EXOC2: variants seen among roughly 807,000 people sequenced by gnomAD.
The protein encoded by EXOC2 is exocyst complex component 2, also known as SEC5-like 1.
A neutral mutation model predicts 131.8 loss-of-function variants in EXOC2; 70 were observed. The observed-to-expected ratio is 0.53, with a 90% CI of 0.44 to 0.65. The LOEUF is 0.65. Ranked by LOEUF, EXOC2 falls within the 30% of genes least tolerant of loss-of-function variation. EXOC2 has a pLI of 0.00. For missense variants in EXOC2, 923 were observed against 1,108.6 expected (o/e 0.83, Z 2.38); for synonymous variants, 411 against 398.4 (o/e 1.03, Z -0.38).
At chr6:665,951 CA>C (rs1034899758) in intron 1 of EXOC2, among the ~76,000 whole-genome samples, 77 of 152,196 alleles carry the variant, frequency 5.1e-4, no homozygotes, top group African/African-American at 1.8e-3. Context: ...AAATAAGAGT[CA>C]AAAAATTATA....
intron 7 of EXOC2, among the ~76,000 whole-genome samples, chr6:603,167 C>T (rs552022367): frequency 3.3e-5 from 5 of 152,138 alleles, no homozygotes; most frequent in African/African-American, 9.7e-5. Context: ...ACAGAAGGAA[C>T]GCCCCCTCAC....
intron 2 of EXOC2, among the ~76,000 whole-genome samples, chr6:633,627 T>C (rs564654082): frequency 1.3e-5 from 2 of 152,350 alleles, no homozygotes; most frequent in African/African-American, 2.4e-5. Context: ...GTAGGTTTTT[T>C]ATTTAAGCAT....
Position 518,255 on chromosome 6 carries a change from G to A in EXOC2, c.2380+14214C>T, listed in dbSNP as rs546329198. Among the ~76,000 whole-genome samples, 11 of 149,722 alleles carry A rather than the reference G, an allele frequency of 7.3e-5. No homozygotes were observed. The East Asian group carries it at 2.1e-3, about 29-fold the overall frequency. ...TTACTTCAAAATAACAGATCTCAGA[G>A]GCAGTGGGGAGCCCAGGGGCACAGA... On this transcript the variant is annotated intron_variant, in intron 23 of 27. Coordinates refer to ENST00000230449, the MANE Select transcript of EXOC2 (RefSeq NM_018303.6).
Position 576,778 on chromosome 6 carries a change from A to AGCT in EXOC2, c.1294_1296dup (p.Ser432dup). On this transcript the variant is annotated inframe_insertion, in exon 12 of 28. Transcript: ENST00000230449. Reference sequence around the variant, plus strand: ...TTACTGTCGTCTCGACCAGACTGAAAGCTGCTGCCCCTCTTCAGGGACGCT... The same window carrying AGCT: ...TTACTGTCGTCTCGACCAGACTGAAAGCTGCTGCTGCCCCTCTTCAGGGACGCT... The AGCT allele has an allele frequency of 6.2e-7, 1 of 1,614,124 alleles. No individual in the cohort carries two copies. Among genetic ancestry groups the AGCT allele is most frequent in the South Asian group, 1.1e-5 (1 of 91,058 alleles).
At chr6:630,056 C>T (rs967519122) in intron 3 of EXOC2, 95 bp from the exon 4 acceptor site, 67 of 1,393,946 alleles carry the variant, frequency 4.8e-5, no homozygotes, top group Non-Finnish European at 4.2e-5. Context: ...AGACCTAATA[C>T]AAAATGCCTG....
At chr6:631,607 AG>A (rs1224308091) in intron 3 of EXOC2, among the ~76,000 whole-genome samples, 1 of 152,068 alleles carries the variant, frequency 6.6e-6, no homozygotes, top group Non-Finnish European at 1.5e-5. Context: ...TCCTGGAATG[AG>A]TATTCCAGAA....
At chr6:549,380 T>G in intron 21 of EXOC2, 89 bp from the exon 22 acceptor site, 1 of 933,100 alleles carries the variant, frequency 1.1e-6, no homozygotes, top group Non-Finnish European at 1.7e-6. Flanking sequence ...TTATAATCTC[T>G]GCTCTTTAAC....
rs376487971 is a variant in EXOC2, at chr6:543,504, C to T, written c.2238+5671G>A. 8.5e-5 allele frequency among the ~76,000 whole-genome samples: 13 copies of T among 152,232 alleles called. No homozygotes were observed. In the East Asian group the frequency reaches 2.5e-3, roughly 29 times the overall value. ...GGGAGGTGTTGATCAAAGGGCATGG[C>T]ATGGTAACCACAGTTAATAATAATG... On this transcript the variant is annotated intron_variant, in intron 22 of 27. Coordinates refer to ENST00000230449, the MANE Select transcript of EXOC2 (RefSeq NM_018303.6).
At chr6:532,430 T>G in intron 23 of EXOC2, 39 bp downstream of exon 23, 1 of 1,461,146 alleles carries the variant, frequency 6.8e-7, no homozygotes, top group Non-Finnish European at 9.0e-7. Context: ...TTGATAAAAG[T>G]ATATCCACAT....
chr6:633,508 G>C (rs183674880), intron 2 of EXOC2, among the ~76,000 whole-genome samples: 1 of 152,172 alleles, frequency 6.6e-6, no homozygotes, highest in African/African-American at 2.4e-5. Flanking sequence ...ATTAATAAAC[G>C]TATGTATCAT....
rs746974915 is a variant in EXOC2, at chr6:532,604, T to C, written c.2245A>G (p.Met749Val). 2.5e-6 allele frequency: 4 copies of C among 1,583,944 alleles called. No individual in the cohort carries two copies. In the South Asian group the frequency reaches 4.7e-5, roughly 19 times the overall value. The change falls in exon 23 of 28, where the codon ATG becomes GTG. Residue 749 changes from methionine (M) to valine (V), a missense_variant. Met to Val is a conservative substitution (Grantham distance 21). Coordinates refer to ENST00000230449, the MANE Select transcript of EXOC2 (RefSeq NM_018303.6). ...TGATCTAGTTCTTTCAATGAGGCCATGCTAACCTATAAACACATAATGAAG... is the reference window on the plus strand; with the variant it reads ...TGATCTAGTTCTTTCAATGAGGCCACGCTAACCTATAAACACATAATGAAG... ...QGIEKITQVS[M>V]ASLKELDQRL...
chr6:622,857 C>G (rs755403375), intron 4 of EXOC2, among the ~76,000 whole-genome samples: 3 of 152,222 alleles, frequency 2.0e-5, no homozygotes, highest in Middle Eastern at 3.2e-3. Flanking sequence ...TACTTAAACT[C>G]TGGTAACATC....
rs1300026791 is a variant in EXOC2 at position 492,965 on chromosome 6, G to GAAT, written c.2560-1782_2560-1780dup. 2.0e-5 allele frequency among the ~76,000 whole-genome samples: 3 copies of GAAT among 152,202 alleles called. No homozygotes were observed. The East Asian group carries it at 5.8e-4, about 29-fold the overall frequency. ...TAAGCTTTCACTTCTACGCAAGCAT[G>GAAT]AATAAGTGTGATCTGACATACAAGT... is the stretch of plus-strand genomic sequence containing the variant. On this transcript the variant is annotated intron_variant, in intron 25 of 27. Transcript: ENST00000230449.
At chr6:494,120 G>A (rs903667824) in intron 25 of EXOC2, among the ~76,000 whole-genome samples, 1 of 152,134 alleles carries the variant, frequency 6.6e-6, no homozygotes, top group African/African-American at 2.4e-5. Flanking sequence ...CAACTTAAAC[G>A]ATAATATCAA....
At chr6:530,086 A>T (rs988831268) in intron 23 of EXOC2, among the ~76,000 whole-genome samples, 1 of 152,210 alleles carries the variant, frequency 6.6e-6, no homozygotes, top group Admixed American at 6.5e-5. Context: ...TTCACAAAGG[A>T]CAAGAAAATG....
chr6:504,273 G>A (rs960486584), intron 23 of EXOC2, among the ~76,000 whole-genome samples: 1 of 152,242 alleles, frequency 6.6e-6, no homozygotes, highest in Non-Finnish European at 1.5e-5. Context: ...TAAATGGGAG[G>A]TCAGACGGAG....
intron 27 of EXOC2, among the ~76,000 whole-genome samples, chr6:487,823 G>A (rs1189209138): frequency 6.6e-6 from 1 of 152,142 alleles, no homozygotes; most frequent in African/African-American, 2.4e-5. Flanking sequence ...GTTTAACAAT[G>A]TTCAATATTA....
At chr6:582,037 C>T (rs12111382) in intron 11 of EXOC2, among the ~76,000 whole-genome samples, 47,260 of 151,978 alleles carry the variant, frequency 0.31, 7,550 homozygotes, top group African/African-American at 0.38. Context: ...TGAAACAATC[C>T]TAGTCACTTC....
intron 6 of EXOC2, among the ~76,000 whole-genome samples, chr6:613,750 T>C (rs967584856): frequency 2.0e-5 from 3 of 152,156 alleles, no homozygotes; most frequent in Non-Finnish European, 4.4e-5. Context: ...AGAATAGTAT[T>C]TGGATAGCAT....
Sources: allele counts gnomAD v4.1 joint callset (sites outside exome capture counted in the v4.1 genomes callset), GRCh38; gene constraint gnomAD v4.1.1; transcripts MANE v1.5; gene names NCBI Gene and HGNC (gene_info 2026-07-23, HGNC 2026-07-21).